Variants in ERFL observed in about 807,000 individuals in gnomAD.
ERFL encodes ETS domain-containing transcription factor ERF-like.
A neutral mutation model predicts 27.9 loss-of-function variants in ERFL; 8 were observed. That is an observed-to-expected ratio of 0.29 (90% CI 0.17 to 0.52). The LOEUF (loss-of-function observed/expected upper bound fraction) is 0.52. ERFL is among the 20% of genes least tolerant of loss of function. ERFL has a pLI of 0.97. For synonymous variants in ERFL, 174 were observed against 202.8 expected (o/e 0.86, Z 1.21); for missense variants, 294 against 444.4 (o/e 0.66, Z 3.04).
In ERFL at chr19:41,928,269, G is replaced by A. The variant is rs1804421692; in HGVS notation, c.-243C>T. 6.6e-6 allele frequency: 1 copy of A among 152,528 alleles called. No homozygotes were observed. Among genetic ancestry groups the A allele is most frequent in the Admixed American group, 6.5e-5 (1 of 15,288 alleles). 9.4% of individuals were successfully genotyped at this position (152,528 alleles called of 1,614,324 possible). A position where few individuals can be genotyped will look rare whatever the true frequency, so the allele number is the denominator to read the frequency against. On this transcript the variant is annotated 5_prime_UTR_variant, in exon 1 of 6. Coordinates refer to ENST00000597630, the MANE Select transcript of ERFL (RefSeq NM_001365103.2). ...ACGGAGAGACAGCCAAGGAGACAGA[G>A]ACGGGGAGACGAGCAGAGACGGGGA...
In ERFL at chr19:41,914,600, CTGT is replaced by C. The variant is rs1555851600; in HGVS notation, c.-13-1671_-13-1669del. 1.6e-4 allele frequency among the ~76,000 whole-genome samples: 13 copies of C among 82,216 alleles called. 4 individuals carry two copies. Among genetic ancestry groups the C allele is most frequent in the Non-Finnish European group, 3.1e-4 (13 of 41,828 alleles). The allele number at this position is 82,216 out of a possible 152,430, so 53.9% of individuals were successfully genotyped here. The stretch of plus-strand genomic sequence containing the variant: ...GTCTCTCCCTCCCTTTCCACCATCT[CTGT>C]CTCTCCCTCCCCTTCCACCATCTCT... On this transcript the variant is annotated intron_variant, in intron 1 of 5. Transcript: ENST00000597630.
chr19:41,908,910 A>G lies in ERFL; in HGVS notation c.616+150T>C. Reference sequence around the variant, plus strand: ...CCTCATTTCCCCTCCCTCACATCACATCCTTTTCTGGGTTTTACACACACA... The same window carrying G: ...CCTCATTTCCCCTCCCTCACATCACGTCCTTTTCTGGGTTTTACACACACA... On this transcript the variant is annotated intron_variant, in intron 5 of 5. Transcript: ENST00000597630. The surrounding 1 kb of genome is among the most constrained non-coding windows in gnomAD (Gnocchi z 6.7). 1 of 490,716 alleles carries G rather than the reference A, an allele frequency of 2.0e-6. No individual in the cohort carries two copies. Among genetic ancestry groups the G allele is most frequent in the Non-Finnish European group, 3.2e-6 (1 of 314,088 alleles). The allele number at this position is 490,716 out of a possible 1,614,324, so 30.4% of individuals were successfully genotyped here. A position where few individuals can be genotyped will look rare whatever the true frequency, so the allele number is the denominator to read the frequency against.
chr19:41,915,278 C>T (rs868962121), intron 1 of ERFL, among the ~76,000 whole-genome samples: 89 of 151,570 alleles, frequency 5.9e-4, no homozygotes, highest in African/African-American at 2.1e-3. Context: ...ACGCTCCCCC[C>T]GCCGTGTCTC....
chr19:41,922,194 G>A (rs1283044498), intron 1 of ERFL, among the ~76,000 whole-genome samples: 1 of 152,164 alleles, frequency 6.6e-6, no homozygotes, highest in African/African-American at 2.4e-5. Flanking sequence ...CCAAGGGCCA[G>A]GGCTCAGGCA....
intron 1 of ERFL, among the ~76,000 whole-genome samples, chr19:41,914,453 T>C (rs73550618): frequency 0.24 from 35,631 of 151,416 alleles, 12,083 homozygotes; most frequent in African/African-American, 0.75. Flanking sequence ...TCTCCATCTC[T>C]CACCCCTGCT....
At chr19:41,920,425 TCA>T (rs1346474036) in intron 1 of ERFL, among the ~76,000 whole-genome samples, 1 of 121,042 alleles carries the variant, frequency 8.3e-6, no homozygotes, top group Non-Finnish European at 1.7e-5. Context: ...CATGACACAC[TCA>T]CAGACATGAC....
In ERFL at chr19:41,908,157, G is replaced by T; in HGVS notation, c.*71C>A. ...GCTGAGGGCTGGTCCTGGGCCTTGG[G>T]CCAGGCATCAAGGGCAGACGGGCAG... is the stretch of plus-strand genomic sequence containing the variant. On this transcript the variant is annotated 3_prime_UTR_variant, in exon 6 of 6. Transcript: ENST00000597630. The surrounding 1 kb of genome is among the most constrained non-coding windows in gnomAD (Gnocchi z 6.7). The T allele has an allele frequency of 8.5e-7, 1 of 1,169,688 alleles. No individual in the cohort carries two copies. Among genetic ancestry groups the T allele is most frequent in the Non-Finnish European group, 1.1e-6 (1 of 931,180 alleles). 72.5% of individuals were successfully genotyped at this position (1,169,688 alleles called of 1,614,324 possible).
Position 41,921,612 on chromosome 19 carries a change from C to T in ERFL, c.-14+6428G>A, listed in dbSNP as rs758007494. On this transcript the variant is annotated intron_variant, in intron 1 of 5. Transcript: ENST00000597630. This position sits in a 1 kb window ranked among gnomAD's most constrained non-coding sequence, Gnocchi z 4.4. ...TAGAAAGCTGGAGGTCACGGGAGAG[C>T]GAGGGCCGCACCGGAGACCCTGGGT... 5.9e-5 allele frequency among the ~76,000 whole-genome samples: 9 copies of T among 152,022 alleles called. No homozygotes were observed. In the South Asian group the frequency reaches 8.3e-4, roughly 14 times the overall value.
At position 41,910,945 on chromosome 19, in the gene ERFL, T is replaced by G. The variant is rs986768081; in HGVS notation, c.68-848A>C. Among the ~76,000 whole-genome samples the G allele has an allele frequency of 6.6e-6, 1 of 151,806 alleles. No homozygotes were observed. Among genetic ancestry groups the G allele is most frequent in the Admixed American group, 6.6e-5 (1 of 15,248 alleles). ...ACCCATCACAACACAGAATTACACA[T>G]CTCAAGACTGGGACTTACTAACAAC... On this transcript the variant is annotated intron_variant, in intron 2 of 5. Transcript: ENST00000597630. This position sits in a 1 kb window ranked among gnomAD's most constrained non-coding sequence, Gnocchi z 4.4.
rs1488001261 is a variant in ERFL at position 41,908,690 on chromosome 19, G to A, written c.617-14C>T. 2.4e-6 allele frequency: 3 copies of A among 1,226,304 alleles called. No homozygotes were observed. Among genetic ancestry groups the A allele is most frequent in the Non-Finnish European group, 3.1e-6 (3 of 983,152 alleles). 76.0% of individuals were successfully genotyped at this position (1,226,304 alleles called of 1,614,324 possible). On this transcript the variant is annotated splice_polypyrimidine_tract_variant and intron_variant, in intron 5 of 5. Coordinates refer to ENST00000597630, the MANE Select transcript of ERFL (RefSeq NM_001365103.2). This position sits in a 1 kb window ranked among gnomAD's most constrained non-coding sequence, Gnocchi z 6.7. ...AGCTGGTGGCACCTGGGGGGCACAG[G>A]GGTAGGTCAGGCTGGGGCACCTGCC... is the stretch of plus-strand genomic sequence containing the variant.
chr19:41,915,954 G>A (rs912268077), intron 1 of ERFL, among the ~76,000 whole-genome samples: 21 of 150,062 alleles, frequency 1.4e-4, no homozygotes, highest in Non-Finnish European at 2.7e-4. Flanking sequence ...CCCGCCGGCC[G>A]GCGTGGTGCG....
At chr19:41,918,360 A>G (rs1262385115) in intron 1 of ERFL, among the ~76,000 whole-genome samples, 1 of 150,188 alleles carries the variant, frequency 6.7e-6, no homozygotes, top group Non-Finnish European at 1.5e-5. Context: ...CCATACACAC[A>G]CCATACCACA....
rs1555851948 is a variant in ERFL, at chr19:41,916,313, C to T, written c.-13-3381G>A. Among the ~76,000 whole-genome samples the T allele has an allele frequency of 6.6e-6, 1 of 152,014 alleles. No homozygotes were observed. On this transcript the variant is annotated intron_variant, in intron 1 of 5. Transcript: ENST00000597630. This position sits in a 1 kb window ranked among gnomAD's most constrained non-coding sequence, Gnocchi z 5.4. ...ACACACAGCACCACGTCCCACACAA[C>T]ACATCACACACACCAACAAAGCAAC...
Position 41,912,890 on chromosome 19 carries a change from G to A in ERFL, c.30C>T (p.Leu10=), listed in dbSNP as rs2074762159. The A allele has an allele frequency of 6.5e-6, 8 of 1,231,644 alleles. No homozygotes were observed. Among genetic ancestry groups the A allele is most frequent in the Non-Finnish European group, 8.1e-6 (8 of 987,926 alleles). 76.3% of individuals were successfully genotyped at this position (1,231,644 alleles called of 1,614,324 possible). MDCSCVSDL[L]FAPPALPALW... ...GAGCCGGCAGGGCGGGCGGGGCGAA[G>A]AGAAGGTCGGAGACGCAGCTACAGT... Residue 10 remains leucine (L), a synonymous_variant, in exon 2 of 6, where the codon CTC becomes CTT. Coordinates refer to ENST00000597630, the MANE Select transcript of ERFL (RefSeq NM_001365103.2).
chr19:41,909,118 C>G lies in ERFL; in HGVS notation c.558G>C (p.Leu186=). 8.1e-7 allele frequency: 1 copy of G among 1,231,930 alleles called. No individual in the cohort carries two copies. The highest frequency in any genetic ancestry group is 1.0e-6 in the Non-Finnish European group (1 of 988,170). 76.3% of individuals were successfully genotyped at this position (1,231,930 alleles called of 1,614,324 possible). A position where few individuals can be genotyped will look rare whatever the true frequency, so the allele number is the denominator to read the frequency against. Residue 186 remains leucine (L), a synonymous_variant, in exon 5 of 6, where the codon CTG becomes CTC. Transcript: ENST00000597630. This position sits in a 1 kb window ranked among gnomAD's most constrained non-coding sequence, Gnocchi z 5.2. ...GCAATTTATCTGTCTCGGAGGTGAA[C>G]AGGGGTGTCCGGGCCCCTGGCTCTC... ...RLGEPGARTP[L]FTSETDKLRL...
chr19:41,914,574 C>CCCTCCCCTTCCACCATCTCTGTCTCT lies in ERFL; in HGVS notation c.-13-1643_-13-1642insAGAGACAGAGATGGTGGAAGGGGAGG, dbSNP rs1568831580. Among the ~76,000 whole-genome samples, 5 of 17,936 alleles carry CCCTCCCCTTCCACCATCTCTGTCTCT rather than the reference C, an allele frequency of 2.8e-4. 2 individuals are homozygous for CCCTCCCCTTCCACCATCTCTGTCTCT. The highest frequency in any genetic ancestry group is 5.8e-4 in the Non-Finnish European group (5 of 8,624). The allele number at this position is 17,936 out of a possible 152,430, so 11.8% of individuals were successfully genotyped here. On this transcript the variant is annotated intron_variant, in intron 1 of 5. Transcript: ENST00000597630. ...CCTCCCCTTCCACCATCTCTGTCTCCGTCTCTCCCTCCCTTTCCACCATCT... is the reference window on the plus strand; with the variant it reads ...CCTCCCCTTCCACCATCTCTGTCTCCCCTCCCCTTCCACCATCTCTGTCTCTGTCTCTCCCTCCCTTTCCACCATCT...
chr19:41,925,776 A>AGC (rs2074867672), intron 1 of ERFL, among the ~76,000 whole-genome samples: 1 of 152,010 alleles, frequency 6.6e-6, no homozygotes. Context: ...GAGGGATGTG[A>AGC]GCGACAGGTG....
rs2074804229 is a variant in ERFL at position 41,916,778 on chromosome 19, A to G, written c.-13-3846T>C. Among the ~76,000 whole-genome samples the G allele has an allele frequency of 2.0e-5, 3 of 151,988 alleles. No individual in the cohort carries two copies. In the South Asian group the frequency reaches 6.2e-4, roughly 32 times the overall value. On this transcript the variant is annotated intron_variant, in intron 1 of 5. Coordinates refer to ENST00000597630, the MANE Select transcript of ERFL (RefSeq NM_001365103.2). The surrounding 1 kb of genome is among the most constrained non-coding windows in gnomAD (Gnocchi z 5.4). ...AGCCAACGCACACGGCCACACACAC[A>G]CCCATTCACAGACACAGTCACAATC... is the stretch of plus-strand genomic sequence containing the variant.
At chr19:41,918,261 ACCC>A (rs1200856058) in intron 1 of ERFL, among the ~76,000 whole-genome samples, 6 of 150,028 alleles carry the variant, frequency 4.0e-5, no homozygotes, top group African/African-American at 1.5e-4. Flanking sequence ...ATACATACAC[ACCC>A]CCACCACACA....
Sources: allele counts gnomAD v4.1 joint callset (sites outside exome capture counted in the v4.1 genomes callset), GRCh38; gene constraint gnomAD v4.1.1; non-coding constraint Gnocchi (gnomAD v3.1); transcripts MANE v1.5; gene names NCBI Gene and HGNC (gene_info 2026-07-23, HGNC 2026-07-21).